Variants in RASGRP3 observed in about 807,000 individuals in gnomAD.
The protein encoded by RASGRP3 is ras guanyl-releasing protein 3.
RASGRP3 carries 54 observed loss-of-function variants against 82.7 expected under a neutral mutation model. That is an observed-to-expected ratio of 0.65 (90% CI 0.52 to 0.82). RASGRP3 has a LOEUF of 0.82. RASGRP3 is among the 40% of genes least tolerant of loss of function. RASGRP3 has a pLI of 0.00. For synonymous variants in RASGRP3, 309 were observed against 300.5 expected, an observed-to-expected ratio of 1.03 and a Z score of -0.29; for missense variants, 861 against 828.9, an observed-to-expected ratio of 1.04 and a Z score of -0.48.
intron 2 of RASGRP3, among the ~76,000 whole-genome samples, chr2:33,469,036 C>CA (rs34494612): frequency 0.53 from 81,205 of 151,950 alleles, 22,532 homozygotes; most frequent in Non-Finnish European, 0.59. Flanking sequence ...TTCGTTTTTT[C>CA]ATCTTTGTCA....
intron 1 of RASGRP3, chr2:33,482,656 A>G (rs1048760422): frequency 1.3e-5 from 2 of 152,190 alleles, no homozygotes; most frequent in African/African-American, 4.8e-5. Flanking sequence ...TTGCTAGAAT[A>G]ATGGGGACGC....
intron 9 of RASGRP3, among the ~76,000 whole-genome samples, chr2:33,525,034 T>C (rs1672393125): frequency 7.3e-6 from 1 of 136,358 alleles, no homozygotes; most frequent in African/African-American, 2.9e-5. Context: ...TGAGCCGAGA[T>C]CACCCCACTG....
upstream of RASGRP3, among the ~76,000 whole-genome samples, chr2:33,472,505 G>A (rs933860150): frequency 6.6e-6 from 1 of 152,160 alleles, no homozygotes; most frequent in Non-Finnish European, 1.5e-5. Context: ...CAGAACATAT[G>A]AGGGGCGGTA....
intron 2 of RASGRP3, among the ~76,000 whole-genome samples, chr2:33,470,370 A>G (rs1403138045): frequency 1.5e-5 from 2 of 136,400 alleles, no homozygotes; most frequent in African/African-American, 2.8e-5. Context: ...AAATAATACT[A>G]TAACTAAGAA....
intron 2 of RASGRP3, among the ~76,000 whole-genome samples, chr2:33,470,413 T>G (rs1262403987): frequency 2.0e-5 from 3 of 150,822 alleles, no homozygotes; most frequent in Non-Finnish European, 4.4e-5. Context: ...GGAGTCTCAC[T>G]CTGTTGCCCA....
rs578016197 is a variant in RASGRP3, at chr2:33,451,602, T to G, written c.-261+3659T>G. On this transcript the variant is annotated intron_variant, in intron 2 of 18. Coordinates refer to the RASGRP3 transcript ENST00000402538. ...TAAGTTTTAATCTATTTTGAGTTCA[T>G]TTTTGTATGTAACGTAAGGGTTCGA... 7.2e-5 allele frequency among the ~76,000 whole-genome samples: 11 copies of G among 152,328 alleles called. 1 individual carries two copies. In the South Asian group the frequency reaches 1.9e-3, roughly 26 times the overall value.
At chr2:33,497,622 T>G (rs926356778) in intron 1 of RASGRP3, among the ~76,000 whole-genome samples, 11 of 152,232 alleles carry the variant, frequency 7.2e-5, no homozygotes, top group African/African-American at 2.4e-4. Context: ...CAAGATTCAT[T>G]GGTCTATTAC....
rs558284134 is a variant in RASGRP3 at position 33,536,291 on chromosome 2, G to T, written c.1161+1891G>T. Among the ~76,000 whole-genome samples, 267 of 123,034 alleles carry T rather than the reference G, an allele frequency of 2.2e-3. 2 individuals are homozygous for T. Among genetic ancestry groups the T allele is most frequent in the African/African-American group, 7.7e-3 (248 of 32,392 alleles). 80.7% of individuals were successfully genotyped at this position (123,034 alleles called of 152,430 possible). A position where few individuals can be genotyped will look rare whatever the true frequency, so the allele number is the denominator to read the frequency against. ...CACTCCAGGCTGGGCAACAGAGCAA[G>T]ACTCCATCTCAAAAAAAAAAATTTA... On this transcript the variant is annotated intron_variant, in intron 11 of 17. Coordinates refer to ENST00000403687, the MANE Select transcript of RASGRP3 (RefSeq NM_001139488.2).
At chr2:33,499,773 A>AGAG (rs1553344704) in intron 1 of RASGRP3, among the ~76,000 whole-genome samples, 8 of 135,652 alleles carry the variant, frequency 5.9e-5, no homozygotes, top group African/African-American at 2.1e-4. Flanking sequence ...CAAAAAAAAA[A>AGAG]AGAGAGGATA....
intron 1 of RASGRP3, among the ~76,000 whole-genome samples, chr2:33,493,804 C>A (rs534328883): frequency 2.0e-4 from 30 of 151,998 alleles, no homozygotes; most frequent in African/African-American, 7.0e-4. Context: ...TTGAAATAAT[C>A]TTTACAAAAT....
intron 9 of RASGRP3, among the ~76,000 whole-genome samples, 166 bp downstream of exon 9, chr2:33,524,714 A>C (rs531334068): frequency 6.6e-6 from 1 of 152,332 alleles, no homozygotes; most frequent in Non-Finnish European, 1.5e-5. Context: ...ACACCAGCTG[A>C]GTCCACCTGG....
At chr2:33,525,717 A>C (rs1412186542) in intron 9 of RASGRP3, among the ~76,000 whole-genome samples, 2 of 149,456 alleles carry the variant, frequency 1.3e-5, no homozygotes, top group Non-Finnish European at 3.0e-5. Flanking sequence ...AAAAAAAAAA[A>C]AAAAAAAAAA....
At chr2:33,504,506 T>C (rs1292431271) in intron 1 of RASGRP3, among the ~76,000 whole-genome samples, 1 of 152,250 alleles carries the variant, frequency 6.6e-6, no homozygotes, top group African/African-American at 2.4e-5. Flanking sequence ...CCAGCCAAAC[T>C]AATGCCTTTC....
chr2:33,552,354 G>A (rs1359469652), intron 14 of RASGRP3, among the ~76,000 whole-genome samples: 1 of 152,194 alleles, frequency 6.6e-6, no homozygotes, highest in Admixed American at 6.5e-5. Flanking sequence ...GTTGTTGCAT[G>A]ATAAAATACT....
intron 1 of RASGRP3, among the ~76,000 whole-genome samples, chr2:33,505,153 TCACCACCACCAC>T (rs10652330): frequency 1.3e-5 from 2 of 149,932 alleles, no homozygotes; most frequent in Admixed American, 6.6e-5. Context: ...ATCATCATCA[TCACCACCACCAC>T]CACCACCACC....
chr2:33,548,381 A>G (rs111863323), intron 13 of RASGRP3, among the ~76,000 whole-genome samples: 90 of 128,018 alleles, frequency 7.0e-4, no homozygotes, highest in East Asian at 8.3e-4. Flanking sequence ...AAAAAAAAAA[A>G]AAGAAGGTAG....
chr2:33,504,285 G>A (rs1292187234), intron 1 of RASGRP3, among the ~76,000 whole-genome samples: 1 of 151,954 alleles, frequency 6.6e-6, no homozygotes, highest in Non-Finnish European at 1.5e-5. Context: ...TCCTTGGGTG[G>A]AATTTGGTCC....
intron 13 of RASGRP3, among the ~76,000 whole-genome samples, chr2:33,547,059 A>G (rs1218813125): frequency 1.2e-5 from 1 of 82,834 alleles, no homozygotes; most frequent in African/African-American, 5.4e-5. Context: ...CAGGGAAAAA[A>G]AAAAAAAAAA....
intron 17 of RASGRP3, among the ~76,000 whole-genome samples, chr2:33,561,258 G>A (rs1489793208): frequency 2.0e-5 from 3 of 151,958 alleles, no homozygotes; most frequent in Non-Finnish European, 4.4e-5. Flanking sequence ...ATAGAGACAG[G>A]GTTTCACCAT....
Sources: allele counts gnomAD v4.1 joint callset (sites outside exome capture counted in the v4.1 genomes callset), GRCh38; gene constraint gnomAD v4.1.1; transcripts MANE v1.5; gene names NCBI Gene and HGNC (gene_info 2026-07-23, HGNC 2026-07-21).